TTC14: variants seen among roughly 807,000 people sequenced by gnomAD.
TTC14 encodes tetratricopeptide repeat domain 14.
TTC14 carries 63 observed loss-of-function variants against 79.9 expected under a neutral mutation model. That is an observed-to-expected ratio of 0.79 (90% CI 0.64 to 0.97). The LOEUF is 0.97. Ranked by LOEUF, TTC14 falls within the 50% of genes least tolerant of loss-of-function variation. The pLI is 0.00. For missense variants in TTC14, 895 were observed against 894.0 expected, an observed-to-expected ratio of 1.00 and a Z score of -0.01; for synonymous variants, 335 against 309.6, an observed-to-expected ratio of 1.08 and a Z score of -0.86.
intron 5 of TTC14, 81 bp from the exon 6 acceptor site, chr3:180,604,771 C>A (rs1340266938): frequency 6.8e-7 from 1 of 1,472,936 alleles, no homozygotes; most frequent in Non-Finnish European, 9.1e-7. Context: ...AGTATTTAAA[C>A]CTCAAATGAT....
At chr3:180,615,233 T>C (rs1307210375), downstream of TTC14, among the ~76,000 whole-genome samples, 1 of 152,148 alleles carries the variant, frequency 6.6e-6, no homozygotes, top group Non-Finnish European at 1.5e-5. Context: ...TCAATAGATA[T>C]CAAACAATTT....
chr3:180,603,973 C>G (rs993968286), intron 3 of TTC14: 6 of 483,486 alleles, frequency 1.2e-5, no homozygotes, highest in African/African-American at 9.8e-5. Context: ...ATGTTGTATA[C>G]TGTCATAAGC....
At chr3:180,618,001 A>T (rs146885412), downstream of TTC14, among the ~76,000 whole-genome samples, 3 of 152,044 alleles carry the variant, frequency 2.0e-5, no homozygotes, top group African/African-American at 7.2e-5. Context: ...CCATTATACC[A>T]TATTTTTATT....
chr3:180,606,221 T>G (rs773922895), intron 7 of TTC14, 32 bp from the exon 8 acceptor site: 1 of 1,608,480 alleles, frequency 6.2e-7, no homozygotes, highest in Non-Finnish European at 8.5e-7. Flanking sequence ...TTGTTTGAAG[T>G]GTTTGTGATG....
rs1335334369 is a variant in TTC14, at chr3:180,610,725, G to A, written c.*183G>A. The A allele has an allele frequency of 7.6e-7, 1 of 1,317,332 alleles. No homozygotes were observed. Among genetic ancestry groups the A allele is most frequent in the Non-Finnish European group, 9.7e-7 (1 of 1,034,862 alleles). 81.6% of individuals were successfully genotyped at this position (1,317,332 alleles called of 1,614,324 possible). A position where few individuals can be genotyped will look rare whatever the true frequency, so the allele number is the denominator to read the frequency against. On this transcript the variant is annotated 3_prime_UTR_variant, in exon 12 of 12. Coordinates refer to ENST00000296015, the MANE Select transcript of TTC14 (RefSeq NM_133462.4). ...TTTCAGTTCTAGGTCCCTTGTCACA[G>A]CTTGGTTTTTAGACTTTTTATGTAT...
chr3:180,602,219 G>C lies in TTC14; in HGVS notation c.-43G>C, dbSNP rs1215241004. 6.2e-7 allele frequency: 1 copy of C among 1,607,248 alleles called. No individual in the cohort carries two copies. Among genetic ancestry groups the C allele is most frequent in the East Asian group, 2.2e-5 (1 of 44,860 alleles). ...GCTCAAGTAGCGGACACGGAACAGG[G>C]AACTATCAGCCCGTCGGCCTCCGGG... On this transcript the variant is annotated 5_prime_UTR_variant, in exon 1 of 12. Transcript: ENST00000296015.
Position 180,609,641 on chromosome 3 carries a change from AAAG to A in TTC14, c.1418_1420del (p.Arg473del), listed in dbSNP as rs1172458807. 4.5e-6 allele frequency: 7 copies of A among 1,555,776 alleles called. No homozygotes were observed. The highest frequency in any genetic ancestry group is 2.8e-5 in the African/African-American group (2 of 72,264). On this transcript the variant is annotated inframe_deletion, in exon 12 of 12. Transcript: ENST00000296015. ...ACTGTTTTTTTTAGGCTAAAGAAGA[AAAG>A]AAGAAAATCAACTTCTTCTTCAAGT...
chr3:180,610,189 A>C lies in TTC14; in HGVS notation c.1960A>C (p.Arg654=). The stretch of plus-strand genomic sequence containing the variant: ...GAGATTTGAAAAGGATATAGAGGGA[A>C]GAAAAGAGCACTATAGAAGGTGGGA... The part of the protein sequence containing the change: ...YRRFEKDIEG[R]KEHYRRWEPG... Residue 654 remains arginine (R), a synonymous_variant, in exon 12 of 12, where the codon AGA becomes CGA. Coordinates refer to ENST00000296015, the MANE Select transcript of TTC14 (RefSeq NM_133462.4). The C allele has an allele frequency of 6.2e-7, 1 of 1,613,940 alleles. No homozygotes were observed. Among genetic ancestry groups the C allele is most frequent in the Non-Finnish European group, 8.5e-7 (1 of 1,179,904 alleles).
At chr3:180,609,259 C>T (rs1271340769) in intron 11 of TTC14, 1 of 764,440 alleles carries the variant, frequency 1.3e-6, no homozygotes, top group East Asian at 1.2e-4. Flanking sequence ...CGCACCCCCA[C>T]CCCCTACCAA....
At position 180,604,512 on chromosome 3, in the gene TTC14, G is replaced by A. The variant is rs1716566477; in HGVS notation, c.606G>A (p.Lys202=). Residue 202 remains lysine (K), a synonymous_variant, in exon 5 of 12, where the codon AAG becomes AAA. Coordinates refer to ENST00000296015, the MANE Select transcript of TTC14 (RefSeq NM_133462.4). ...GIKDIDRYHE[K]LAVSLYSSSL... is the part of the protein sequence containing the mutation. Reference sequence around the variant, plus strand: ...AGGATATTGACAGATACCATGAAAAGCTAGCAGTATCTCTGTATAGCTCTT... The same window carrying A: ...AGGATATTGACAGATACCATGAAAAACTAGCAGTATCTCTGTATAGCTCTT... 8 of 1,605,212 alleles carry A rather than the reference G, an allele frequency of 5.0e-6. No individual in the cohort carries two copies. The East Asian group carries it at 1.6e-4, about 31-fold the overall frequency.
At chr3:180,617,103 T>A in intron 12 of TTC14, 1 of 575,510 alleles carries the variant, frequency 1.7e-6, no homozygotes, top group Non-Finnish European at 2.9e-6. Flanking sequence ...ATGTACCTCT[T>A]AATGACATCT....
downstream of TTC14, among the ~76,000 whole-genome samples, chr3:180,613,627 G>C (rs1717109725): frequency 6.6e-6 from 1 of 152,174 alleles, no homozygotes; most frequent in South Asian, 2.1e-4. Context: ...AGGTTACAGA[G>C]CTAGTAAGAT....
downstream of TTC14, among the ~76,000 whole-genome samples, chr3:180,612,076 A>C (rs555312581): frequency 2.6e-5 from 4 of 151,956 alleles, no homozygotes; most frequent in African/African-American, 7.3e-5. Context: ...CACCAAGAAG[A>C]AGCTTCTTTA....
Position 180,610,469 on chromosome 3 carries a change from C to T in TTC14, c.2240C>T (p.Pro747Leu), listed in dbSNP as rs1716941334. The change falls in exon 12 of 12, where the codon CCT (proline) becomes CTT (leucine). Residue 747 changes from proline to leucine, a missense_variant. Coordinates refer to ENST00000296015, the MANE Select transcript of TTC14 (RefSeq NM_133462.4). Reference protein sequence around the residue: ...HSESSVKKNLPQNLLNIFNQI... With the variant: ...HSESSVKKNLLQNLLNIFNQI... Reference sequence around the variant, plus strand: ...GAAAGCAGTGTTAAGAAAAATTTACCTCAGAATTTACTGAATATATTTAAT... The same window carrying T: ...GAAAGCAGTGTTAAGAAAAATTTACTTCAGAATTTACTGAATATATTTAAT... The T allele has an allele frequency of 6.2e-7, 1 of 1,606,338 alleles. No individual in the cohort carries two copies. The highest frequency in any genetic ancestry group is 1.1e-5 in the South Asian group (1 of 88,626).
At chr3:180,602,830 G>A (rs1716442789) in intron 1 of TTC14, 61 bp from the exon 2 acceptor site, 3 of 1,543,750 alleles carry the variant, frequency 1.9e-6, no homozygotes, top group Non-Finnish European at 2.6e-6. Flanking sequence ...TAAGCAGAAG[G>A]TTAGAAGTAA....
In TTC14 at chr3:180,608,805, G is replaced by A; in HGVS notation, c.1395G>A (p.Glu465=). 6.5e-7 allele frequency: 1 copy of A among 1,532,144 alleles called. No homozygotes were observed. The highest frequency in any genetic ancestry group is 8.7e-7 in the Non-Finnish European group (1 of 1,145,502). The allele number at this position is 1,532,144 out of a possible 1,614,324, so 94.9% of individuals were successfully genotyped here. A position where few individuals can be genotyped will look rare whatever the true frequency, so the allele number is the denominator to read the frequency against. ...AGTTGCGTAAGCTCTTAAAAGAAGA[G>A]AAGAGGTAAACTATAATATTCAGTA... ...AEKLRKLLKE[E]KRLKKKRRKS... is the part of the protein sequence containing the mutation. Residue 465 remains glutamate (E), a synonymous_variant, in exon 11 of 12, where the codon GAG becomes GAA. Coordinates refer to ENST00000296015, the MANE Select transcript of TTC14 (RefSeq NM_133462.4).
At chr3:180,603,068 A>C in intron 2 of TTC14, 53 bp downstream of exon 2, 1 of 1,610,888 alleles carries the variant, frequency 6.2e-7, no homozygotes, top group Non-Finnish European at 8.5e-7. Context: ...ACAGTACTTC[A>C]GGTGAAACGG....
intron 11 of TTC14, 161 bp downstream of exon 11, chr3:180,608,971 A>G: frequency 8.5e-7 from 1 of 1,175,178 alleles, no homozygotes; most frequent in South Asian, 3.9e-5. Flanking sequence ...GTATTTTCTT[A>G]TTAAAGAGAT....
intron 11 of TTC14, 36 bp from the exon 12 acceptor site, chr3:180,609,594 T>G: frequency 6.8e-7 from 1 of 1,471,230 alleles, no homozygotes; most frequent in Non-Finnish European, 9.0e-7. Flanking sequence ...TAGAAACATT[T>G]TTGTATATAT....
Sources: gnomAD v4.1 joint callset for allele counts (sites outside exome capture counted in the v4.1 genomes callset) on GRCh38, gnomAD v4.1.1 for gene constraint, MANE v1.5 for transcripts, NCBI Gene and HGNC (gene_info 2026-07-23, HGNC 2026-07-21) for gene names.